Variants in MBOAT2 observed in about 807,000 individuals in gnomAD.
MBOAT2 encodes the protein membrane-bound glycerophospholipid O-acyltransferase 2.
In MBOAT2, 28 loss-of-function variants were observed where a neutral mutation model predicts 63.4. That is an observed-to-expected ratio of 0.44 (90% CI 0.33 to 0.61). The LOEUF is 0.61. Ranked by LOEUF, MBOAT2 falls within the 20% of genes least tolerant of loss-of-function variation. MBOAT2 has a pLI of 0.03. For synonymous variants in MBOAT2, 211 were observed against 215.6 expected, an observed-to-expected ratio of 0.98 and a Z score of 0.19; for missense variants, 470 against 605.8, an observed-to-expected ratio of 0.78 and a Z score of 2.35.
chr2:8,893,819 T>C (rs968408528), intron 4 of MBOAT2, among the ~76,000 whole-genome samples: 5 of 152,172 alleles, frequency 3.3e-5, no homozygotes, highest in African/African-American at 1.2e-4. Flanking sequence ...GACATGCAGA[T>C]ATGGCTGGAA....
intron 1 of MBOAT2, among the ~76,000 whole-genome samples, chr2:8,965,403 G>A (rs1273982366): frequency 1.3e-5 from 2 of 152,112 alleles, no homozygotes. Flanking sequence ...AAAGGAAACA[G>A]CAAGTACAGC....
At chr2:8,917,846 T>C (rs1291193660) in intron 3 of MBOAT2, among the ~76,000 whole-genome samples, 1 of 152,192 alleles carries the variant, frequency 6.6e-6, no homozygotes, top group Admixed American at 6.5e-5. Context: ...TGTCCATTAA[T>C]AGGTGAAAGG....
rs772543319 is a variant in MBOAT2 at position 8,858,677 on chromosome 2, G to C, written c.*2C>G. The C allele has an allele frequency of 2.5e-6, 4 of 1,592,488 alleles. No homozygotes were observed. The highest frequency in any genetic ancestry group is 1.4e-5 in the African/African-American group (1 of 73,862). On this transcript the variant is annotated 3_prime_UTR_variant, in exon 13 of 13. Transcript: ENST00000305997. The stretch of plus-strand genomic sequence containing the variant: ...AAAAAACAGCCCTCAGAGCCTTCCC[G>C]ATCACTGCTTTAGTGATGAATGTCT...
At chr2:8,890,892 G>A (rs1663944708) in intron 4 of MBOAT2, among the ~76,000 whole-genome samples, 1 of 152,124 alleles carries the variant, frequency 6.6e-6, no homozygotes, top group South Asian at 2.1e-4. Flanking sequence ...CCTTCTGTAG[G>A]TTAATTATAC....
chr2:8,876,722 G>A (rs1365656536), intron 7 of MBOAT2, among the ~76,000 whole-genome samples: 1 of 150,096 alleles, frequency 6.7e-6, no homozygotes, highest in Non-Finnish European at 1.5e-5. Flanking sequence ...GGGGGAAGGG[G>A]GAAGGGGGAA....
chr2:8,978,864 G>A (rs879729810), intron 1 of MBOAT2, among the ~76,000 whole-genome samples: 1 of 151,738 alleles, frequency 6.6e-6, no homozygotes, highest in Non-Finnish European at 1.5e-5. Flanking sequence ...AAAAAAAAAA[G>A]GTGGTGGGGG....
intron 9 of MBOAT2, among the ~76,000 whole-genome samples, chr2:8,867,033 T>C (rs1385804449): frequency 1.3e-5 from 2 of 152,200 alleles, no homozygotes; most frequent in African/African-American, 4.8e-5. Flanking sequence ...GAATGATCCT[T>C]TTCGCAGGCT....
chr2:8,860,578 A>C (rs1661424628), intron 12 of MBOAT2, 35 bp downstream of exon 12: 2 of 1,598,600 alleles, frequency 1.3e-6, no homozygotes, highest in Non-Finnish European at 1.7e-6. Context: ...AAATAGAGTT[A>C]TTCCCACTGA....
At chr2:8,995,782 G>T (rs894001272) in intron 1 of MBOAT2, among the ~76,000 whole-genome samples, 1 of 151,970 alleles carries the variant, frequency 6.6e-6, no homozygotes, top group South Asian at 2.1e-4. Context: ...TAGTAGAGAC[G>T]GGGTTTCACC....
chr2:9,000,113 T>C (rs965053425), intron 1 of MBOAT2, among the ~76,000 whole-genome samples: 2 of 152,264 alleles, frequency 1.3e-5, no homozygotes, highest in African/African-American at 2.4e-5. Context: ...TAATTGTTTT[T>C]CTTACACTAA....
intron 1 of MBOAT2, among the ~76,000 whole-genome samples, chr2:8,989,246 C>T (rs763996115): frequency 2.0e-5 from 3 of 152,168 alleles, no homozygotes; most frequent in Non-Finnish European, 2.9e-5. Flanking sequence ...TTCAGTGATG[C>T]TCCTTTGTCA....
intron 1 of MBOAT2, among the ~76,000 whole-genome samples, chr2:8,987,735 G>A (rs1282350319): frequency 6.6e-6 from 1 of 152,108 alleles, no homozygotes; most frequent in African/African-American, 2.4e-5. Flanking sequence ...ATCTTTATAT[G>A]CCCTGGGATT....
At chr2:8,969,074 T>A (rs1055338368) in intron 1 of MBOAT2, among the ~76,000 whole-genome samples, 1 of 152,056 alleles carries the variant, frequency 6.6e-6, no homozygotes, top group Non-Finnish European at 1.5e-5. Flanking sequence ...AATTGTAAGA[T>A]TCACCAAAGT....
chr2:8,970,850 T>A (rs1670394619), intron 1 of MBOAT2, among the ~76,000 whole-genome samples: 1 of 152,154 alleles, frequency 6.6e-6, no homozygotes, highest in African/African-American at 2.4e-5. Context: ...AATAGACCAA[T>A]AACAGGTTCT....
intron 1 of MBOAT2, among the ~76,000 whole-genome samples, chr2:8,965,315 T>G (rs534297344): frequency 2.0e-5 from 3 of 152,328 alleles, no homozygotes; most frequent in South Asian, 4.1e-4. Context: ...TCCATTCCTG[T>G]GTAATAAATT....
chr2:8,963,362 G>A (rs545621294), intron 1 of MBOAT2, among the ~76,000 whole-genome samples: 4 of 152,102 alleles, frequency 2.6e-5, no homozygotes, highest in Non-Finnish European at 4.4e-5. Context: ...AGAGTGCAGT[G>A]GCACGATCTC....
intron 1 of MBOAT2, among the ~76,000 whole-genome samples, chr2:8,979,379 G>C (rs1215525674): frequency 6.6e-6 from 1 of 151,924 alleles, no homozygotes; most frequent in Non-Finnish European, 1.5e-5. Flanking sequence ...TCCAGACATT[G>C]CTACCAAAGA....
At chr2:8,969,543 G>A (rs1670282935) in intron 1 of MBOAT2, among the ~76,000 whole-genome samples, 1 of 152,148 alleles carries the variant, frequency 6.6e-6, no homozygotes, top group Non-Finnish European at 1.5e-5. Context: ...AATGTAAATG[G>A]GCTAAATGCT....
intron 6 of MBOAT2, among the ~76,000 whole-genome samples, chr2:8,880,018 T>A (rs1009278787): frequency 1.3e-5 from 2 of 152,128 alleles, no homozygotes; most frequent in African/African-American, 4.8e-5. Context: ...CTGGGCCTTA[T>A]AATGCTGTGG....
Sources: allele counts gnomAD v4.1 joint callset (sites outside exome capture counted in the v4.1 genomes callset), GRCh38; gene constraint gnomAD v4.1.1; transcripts MANE v1.5; gene names NCBI Gene and HGNC (gene_info 2026-07-23, HGNC 2026-07-21).